Variants in DCUN1D5 observed in about 807,000 individuals in gnomAD.
The protein encoded by DCUN1D5 is DCN1-like protein 5.
A neutral mutation model predicts 38.3 loss-of-function variants in DCUN1D5; 10 were observed. The observed-to-expected ratio is 0.26, with a 90% CI of 0.16 to 0.44. The LOEUF is 0.44. DCUN1D5 is among the 20% of genes least tolerant of loss of function. The pLI is 1.00. For missense variants in DCUN1D5, 148 were observed against 275.3 expected, an observed-to-expected ratio of 0.54 and a Z score of 3.27; for synonymous variants, 93 against 90.9, an observed-to-expected ratio of 1.02 and a Z score of -0.13.
chr11:103,090,789 A>C (rs1862841183), intron 1 of DCUN1D5, among the ~76,000 whole-genome samples: 1 of 152,018 alleles, frequency 6.6e-6, no homozygotes, highest in South Asian at 2.1e-4. Flanking sequence ...GCGGGCGCCT[A>C]TAATCCCAGC....
chr11:103,056,742 TTTTG>T lies in DCUN1D5; in HGVS notation c.*5613_*5616del, dbSNP rs1168051864. ...TTTAGTCTAAGGAGAATATTAATAATTTTGTTTGATTATAAAAATGGCAGGATAA... is the reference window on the plus strand; with the variant it reads ...TTTAGTCTAAGGAGAATATTAATAATTTTGATTATAAAAATGGCAGGATAA... On this transcript the variant is annotated 3_prime_UTR_variant, in exon 8 of 8. Transcript: ENST00000260247. This position sits in a 1 kb window ranked among gnomAD's most constrained non-coding sequence, Gnocchi z 4.9. Among the ~76,000 whole-genome samples the T allele has an allele frequency of 3.9e-5, 6 of 152,214 alleles. No homozygotes were observed. The highest frequency in any genetic ancestry group is 1.2e-4 in the African/African-American group (5 of 41,460).
rs1861951131 is a variant in DCUN1D5, at chr11:103,059,226, G to C, written c.*3133C>G. Among the ~76,000 whole-genome samples, 1 of 152,130 alleles carries C rather than the reference G, an allele frequency of 6.6e-6. No individual in the cohort carries two copies. The highest frequency in any genetic ancestry group is 1.5e-5 in the Non-Finnish European group (1 of 68,024). On this transcript the variant is annotated 3_prime_UTR_variant, in exon 8 of 8. Coordinates refer to ENST00000260247, the MANE Select transcript of DCUN1D5 (RefSeq NM_032299.4). Reference sequence around the variant, plus strand: ...GGCAGACAGGACATGTTTTGTTGAAGAAATACTTCAAAGTGAAATGTTTCA... The same window carrying C: ...GGCAGACAGGACATGTTTTGTTGAACAAATACTTCAAAGTGAAATGTTTCA...
In DCUN1D5 at chr11:103,071,502, T is replaced by A. The variant is rs1862271211; in HGVS notation, c.342-4935A>T. On this transcript the variant is annotated intron_variant, in intron 4 of 7. Transcript: ENST00000260247. This position sits in a 1 kb window ranked among gnomAD's most constrained non-coding sequence, Gnocchi z 4.1. ...CAGGTATAATCTATATATAATTTTA[T>A]ATACTCTATATCTATATGATCTATA... 6.7e-6 allele frequency among the ~76,000 whole-genome samples: 1 copy of A among 150,286 alleles called. No individual in the cohort carries two copies. Among genetic ancestry groups the A allele is most frequent in the Non-Finnish European group, 1.5e-5 (1 of 67,588 alleles).
chr11:103,061,087 A>G lies in DCUN1D5; in HGVS notation c.*1272T>C, dbSNP rs1477342454. ...CAGCTGATTAACTAAAAAGCAAACA[A>G]TAAAACACTTTAAAATGTCATTCTC... On this transcript the variant is annotated 3_prime_UTR_variant, in exon 8 of 8. Transcript: ENST00000260247. Among the ~76,000 whole-genome samples, 7 of 152,194 alleles carry G rather than the reference A, an allele frequency of 4.6e-5. No individual in the cohort carries two copies. Among genetic ancestry groups the G allele is most frequent in the Non-Finnish European group, 1.0e-4 (7 of 68,026 alleles).
chr11:103,069,272 T>A (rs1278174341), intron 4 of DCUN1D5, among the ~76,000 whole-genome samples: 1 of 152,146 alleles, frequency 6.6e-6, no homozygotes, highest in African/African-American at 2.4e-5. Context: ...GCAACACCAA[T>A]GGGGGCAGAC....
In DCUN1D5 at chr11:103,092,047, G is replaced by C. The variant is rs1421699871; in HGVS notation, c.-175C>G. 4 of 608,330 alleles carry C rather than the reference G, an allele frequency of 6.6e-6. No individual in the cohort carries two copies. The highest frequency in any genetic ancestry group is 3.0e-5 in the Admixed American group (1 of 33,254). 37.7% of individuals were successfully genotyped at this position (608,330 alleles called of 1,614,324 possible). A position where few individuals can be genotyped will look rare whatever the true frequency, so the allele number is the denominator to read the frequency against. ...CCGCCGCCCGCTCCCAGGTATCCTC[G>C]TCGTCTTTCTCTGACCGGGACAGGG... On this transcript the variant is annotated 5_prime_UTR_variant, in exon 1 of 8. Coordinates refer to ENST00000260247, the MANE Select transcript of DCUN1D5 (RefSeq NM_032299.4).
chr11:103,080,006 A>G (rs1433694546), intron 4 of DCUN1D5: 2 of 152,250 alleles, frequency 1.3e-5, no homozygotes, highest in Non-Finnish European at 2.9e-5. Context: ...GCCTATATGA[A>G]TAGAAAACAA....
rs148433506 is a variant in DCUN1D5, at chr11:103,078,362, G to C, written c.341+4386C>G. Among the ~76,000 whole-genome samples the C allele has an allele frequency of 6.6e-6, 1 of 152,102 alleles. No homozygotes were observed. Among genetic ancestry groups the C allele is most frequent in the Non-Finnish European group, 1.5e-5 (1 of 68,008 alleles). On this transcript the variant is annotated intron_variant, in intron 4 of 7. Coordinates refer to ENST00000260247, the MANE Select transcript of DCUN1D5 (RefSeq NM_032299.4). This position sits in a 1 kb window ranked among gnomAD's most constrained non-coding sequence, Gnocchi z 4.6. ...ACTCGCCAAGTATCCTTGAAACCTCGTATCTATAGACGAAGGAAGAGAAAT... is the reference window on the plus strand; with the variant it reads ...ACTCGCCAAGTATCCTTGAAACCTCCTATCTATAGACGAAGGAAGAGAAAT...
At chr11:103,082,432 G>T (rs1862589671) in intron 4 of DCUN1D5, among the ~76,000 whole-genome samples, 1 of 152,082 alleles carries the variant, frequency 6.6e-6, no homozygotes, top group Non-Finnish European at 1.5e-5. Flanking sequence ...TCTGTATTGA[G>T]AGAGGAAAAT....
Position 103,091,736 on chromosome 11 carries a change from G to C in DCUN1D5, c.86+51C>G. ...GGGCCCGACTCCTTTTCCTCCAGTT[G>C]TCCAGCAAAGGAGGGAGGAGGGAAG... On this transcript the variant is annotated intron_variant, in intron 1 of 7. Transcript: ENST00000260247. The surrounding 1 kb of genome is among the most constrained non-coding windows in gnomAD (Gnocchi z 4.3). 6.2e-7 allele frequency: 1 copy of C among 1,613,188 alleles called. No individual in the cohort carries two copies. The highest frequency in any genetic ancestry group is 8.5e-7 in the Non-Finnish European group (1 of 1,179,452).
Position 103,066,543 on chromosome 11 carries a change from T to G in DCUN1D5, c.366A>C (p.Gln122His), listed in dbSNP as rs375477312. 1 of 1,610,772 alleles carries G rather than the reference T, an allele frequency of 6.2e-7. No individual in the cohort carries two copies. Among genetic ancestry groups the G allele is most frequent in the South Asian group, 1.1e-5 (1 of 90,732 alleles). The change falls in exon 5 of 8, where the codon CAA becomes CAC. Residue 122 changes from glutamine to histidine, a missense_variant. Coordinates refer to ENST00000260247, the MANE Select transcript of DCUN1D5 (RefSeq NM_032299.4). This position sits in a 1 kb window ranked among gnomAD's most constrained non-coding sequence, Gnocchi z 4.7. The part of the protein sequence containing the change: ...SLQCDCTEKL[Q>H]NKFDFLRSQL... Reference sequence around the variant, plus strand: ...GTGAGCGCAAAAAGTCAAATTTGTTTTGTAACTTTTCTGTGCAGTCACACC... The same window carrying G: ...GTGAGCGCAAAAAGTCAAATTTGTTGTGTAACTTTTCTGTGCAGTCACACC...
rs1410718422 is a variant in DCUN1D5 at position 103,078,464 on chromosome 11, G to A, written c.341+4284C>T. Among the ~76,000 whole-genome samples, 1 of 152,174 alleles carries A rather than the reference G, an allele frequency of 6.6e-6. No homozygotes were observed. The highest frequency in any genetic ancestry group is 2.4e-5 in the African/African-American group (1 of 41,440). On this transcript the variant is annotated intron_variant, in intron 4 of 7. Transcript: ENST00000260247. This position sits in a 1 kb window ranked among gnomAD's most constrained non-coding sequence, Gnocchi z 4.6. Reference sequence around the variant, plus strand: ...CCTCTTAATGGGAACGAGGTCCATAGTTCTCATAAGACTCTCAAAAGAGAC... The same window carrying A: ...CCTCTTAATGGGAACGAGGTCCATAATTCTCATAAGACTCTCAAAAGAGAC...
chr11:103,074,024 C>T (rs752337930), intron 4 of DCUN1D5, among the ~76,000 whole-genome samples: 1 of 152,004 alleles, frequency 6.6e-6, no homozygotes, highest in African/African-American at 2.4e-5. Flanking sequence ...CAGCCAAGAT[C>T]GCAGCACAGG....
chr11:103,068,676 T>C (rs525030), intron 4 of DCUN1D5, among the ~76,000 whole-genome samples: 13 of 151,762 alleles, frequency 8.6e-5, no homozygotes, highest in Non-Finnish European at 1.9e-4. Context: ...GACACTGGGG[T>C]CTACTTGAAG....
rs1862056417 is a variant in DCUN1D5 at position 103,063,262 on chromosome 11, T to C, written c.659-848A>G. Reference sequence around the variant, plus strand: ...GCCTCTGACTCCTATAAAGGAGTACTATAAAGGTACAGTTTTGTCAGACTT... The same window carrying C: ...GCCTCTGACTCCTATAAAGGAGTACCATAAAGGTACAGTTTTGTCAGACTT... On this transcript the variant is annotated intron_variant, in intron 7 of 7. Transcript: ENST00000260247. The surrounding 1 kb of genome is among the most constrained non-coding windows in gnomAD (Gnocchi z 4.6). Among the ~76,000 whole-genome samples the C allele has an allele frequency of 6.6e-6, 1 of 152,184 alleles. No individual in the cohort carries two copies. Among genetic ancestry groups the C allele is most frequent in the East Asian group, 1.9e-4 (1 of 5,198 alleles).
chr11:103,074,048 TGTGA>T (rs1862344298), intron 4 of DCUN1D5, among the ~76,000 whole-genome samples: 1 of 152,122 alleles, frequency 6.6e-6, no homozygotes, highest in South Asian at 2.1e-4. Context: ...CAGTGCAAAC[TGTGA>T]GTGAGACAAC....
chr11:103,068,651 A>T lies in DCUN1D5; in HGVS notation c.342-2084T>A, dbSNP rs1246622418. On this transcript the variant is annotated intron_variant, in intron 4 of 7. Transcript: ENST00000260247. ...TAAATGATGTGAACTTATGAACACAAAGAAGGAAACAACAGACACTGGGGT... is the reference window on the plus strand; with the variant it reads ...TAAATGATGTGAACTTATGAACACATAGAAGGAAACAACAGACACTGGGGT... Among the ~76,000 whole-genome samples the T allele has an allele frequency of 2.0e-5, 3 of 152,100 alleles. No individual in the cohort carries two copies. The East Asian group carries it at 5.8e-4, about 29-fold the overall frequency.
At chr11:103,076,145 G>C (rs963416941) in intron 4 of DCUN1D5, among the ~76,000 whole-genome samples, 13 of 152,098 alleles carry the variant, frequency 8.5e-5, no homozygotes, top group African/African-American at 2.9e-4. Context: ...GACATTCAAA[G>C]TTCTTTCTTT....
rs968664781 is a variant in DCUN1D5, at chr11:103,077,205, A to G, written c.341+5543T>C. Among the ~76,000 whole-genome samples, 1 of 150,384 alleles carries G rather than the reference A, an allele frequency of 6.6e-6. No individual in the cohort carries two copies. The highest frequency in any genetic ancestry group is 1.5e-5 in the Non-Finnish European group (1 of 67,476). ...ACTGAGCAAGACGCCGTCTCAAATAAAAAAAAAAGAATAAGAGCACAAACC... is the reference window on the plus strand; with the variant it reads ...ACTGAGCAAGACGCCGTCTCAAATAGAAAAAAAAGAATAAGAGCACAAACC... On this transcript the variant is annotated intron_variant, in intron 4 of 7. Transcript: ENST00000260247. This position sits in a 1 kb window ranked among gnomAD's most constrained non-coding sequence, Gnocchi z 4.3.
Sources: gnomAD v4.1 joint callset for allele counts (sites outside exome capture counted in the v4.1 genomes callset) on GRCh38, gnomAD v4.1.1 for gene constraint, Gnocchi (gnomAD v3.1) non-coding constraint, MANE v1.5 for transcripts, NCBI Gene and HGNC (gene_info 2026-07-23, HGNC 2026-07-21) for gene names.